Variants in VIT observed in about 807,000 individuals in gnomAD.
VIT encodes the protein vitrin.
In VIT, 99 loss-of-function variants were observed where a neutral mutation model predicts 78.0. The observed-to-expected ratio is 1.27, with a 90% CI of 1.08 to 1.50. The LOEUF is 1.50. Among genes scored for constraint, VIT ranks in the 40% most tolerant of loss-of-function variants. VIT has a pLI of 0.00. For synonymous variants in VIT, 374 were observed against 334.3 expected, an observed-to-expected ratio of 1.12 and a Z score of -1.29; for missense variants, 1,126 against 875.3, an observed-to-expected ratio of 1.29 and a Z score of -3.61.
At chr2:36,703,951 AG>A (rs1019119186) in intron 1 of VIT, among the ~76,000 whole-genome samples, 64 of 115,402 alleles carry the variant, frequency 5.5e-4, no homozygotes, top group Non-Finnish European at 9.1e-4. Flanking sequence ...TTTTTTTTGG[AG>A]ACTCACTCTG....
At chr2:36,774,456 G>T in intron 8 of VIT, 1 of 976,058 alleles carries the variant, frequency 1.0e-6, no homozygotes, top group African/African-American at 1.7e-5. Context: ...TCACAGCCCG[G>T]TCTATGAGCT....
At chr2:36,809,953 C>T (rs917006664) in intron 15 of VIT, among the ~76,000 whole-genome samples, 5 of 141,972 alleles carry the variant, frequency 3.5e-5, no homozygotes, top group African/African-American at 1.1e-4. Flanking sequence ...ATTGCACCAC[C>T]ACACTCCAGC....
intron 5 of VIT, 29 bp from the exon 6 acceptor site, chr2:36,758,940 A>G (rs1413284668): frequency 6.3e-7 from 1 of 1,588,178 alleles, no homozygotes; most frequent in South Asian, 1.1e-5. Context: ...CTAGAAATAA[A>G]TCTCGTTTTT....
rs200266127 is a variant in VIT, at chr2:36,787,166, C to G, written c.948C>G (p.Ser316Arg). 1 of 1,614,192 alleles carries G rather than the reference C, an allele frequency of 6.2e-7. No homozygotes were observed. The highest frequency in any genetic ancestry group is 1.7e-5 in the Admixed American group (1 of 60,020). The change falls in exon 12 of 16, where the codon AGC (serine) becomes AGG (arginine). Residue 316 changes from serine (S) to arginine (R), a missense_variant. By Grantham distance (110) the Ser-to-Arg change is moderately radical. Transcript: ENST00000379242. Reference sequence around the variant, plus strand: ...ACTTGTCGTTTTTAATTGATGGGAGCACCAGCATTGGCAAACGGCGATTCC... The same window carrying G: ...ACTTGTCGTTTTTAATTGATGGGAGGACCAGCATTGGCAAACGGCGATTCC... ...KIDLSFLIDG[S>R]TSIGKRRFRI...
intron 4 of VIT, among the ~76,000 whole-genome samples, chr2:36,744,309 C>T (rs967349114): frequency 1.3e-5 from 2 of 152,080 alleles, no homozygotes; most frequent in African/African-American, 4.8e-5. Flanking sequence ...ATTTATTTTC[C>T]TTTTGGTATA....
At chr2:36,714,344 T>C (rs1303308299) in intron 1 of VIT, among the ~76,000 whole-genome samples, 1 of 152,254 alleles carries the variant, frequency 6.6e-6, no homozygotes, top group Non-Finnish European at 1.5e-5. Flanking sequence ...TATCTGTTTC[T>C]AGATCTCCAT....
intron 1 of VIT, among the ~76,000 whole-genome samples, chr2:36,701,273 G>A (rs1384219509): frequency 6.6e-6 from 1 of 152,122 alleles, no homozygotes; most frequent in East Asian, 1.9e-4. Context: ...GCTGACTAGG[G>A]GGAGTTAGGT....
chr2:36,736,975 C>T (rs1484481025), intron 3 of VIT, among the ~76,000 whole-genome samples: 5 of 152,130 alleles, frequency 3.3e-5, no homozygotes, highest in African/African-American at 1.2e-4. Context: ...AGTCTATCTT[C>T]CCAGCAAGAC....
intron 2 of VIT, among the ~76,000 whole-genome samples, 174 bp downstream of exon 2, chr2:36,716,596 A>T (rs576122689): frequency 6.6e-6 from 1 of 152,334 alleles, no homozygotes; most frequent in African/African-American, 2.4e-5. Context: ...CAAAGATCAA[A>T]TTCAGGATGC....
chr2:36,738,617 T>A (rs570312784), intron 3 of VIT, among the ~76,000 whole-genome samples: 1 of 152,280 alleles, frequency 6.6e-6, no homozygotes, highest in South Asian at 2.1e-4. Flanking sequence ...CCTGCCCTCA[T>A]GAATTTTATA....
At chr2:36,766,258 G>A (rs1369462551) in intron 6 of VIT, among the ~76,000 whole-genome samples, 2 of 152,234 alleles carry the variant, frequency 1.3e-5, no homozygotes, top group East Asian at 3.8e-4. Context: ...GCCGAGCACA[G>A]TGGCTTGCAC....
intron 10 of VIT, 26 bp downstream of exon 10, chr2:36,781,797 C>T: frequency 6.2e-7 from 1 of 1,613,712 alleles, no homozygotes; most frequent in East Asian, 2.2e-5. Context: ...AACCTCTCAG[C>T]CACGCGTGGA....
At chr2:36,698,226 A>G (rs943802674) in intron 1 of VIT, among the ~76,000 whole-genome samples, 1 of 152,250 alleles carries the variant, frequency 6.6e-6, no homozygotes, top group African/African-American at 2.4e-5. Flanking sequence ...ACCACTAAAA[A>G]AAATAAAAAT....
intron 5 of VIT, among the ~76,000 whole-genome samples, chr2:36,756,561 C>G (rs1267733044): frequency 6.6e-6 from 1 of 152,186 alleles, no homozygotes; most frequent in African/African-American, 2.4e-5. Flanking sequence ...AGCAGGACAA[C>G]AAACAGACCT....
rs746469454 is a variant in VIT at position 36,755,019 on chromosome 2, C to G, written c.374C>G (p.Ser125Cys). The change falls in exon 5 of 16, where the codon TCC (serine) becomes TGC (cysteine). Residue 125 changes from serine (S) to cysteine (C), a missense_variant. Ser to Cys is a moderately radical substitution (Grantham distance 112). Transcript: ENST00000379242. The part of the protein sequence containing the change: ...GSYSNGVQSL[S>C]LPRWRESFIV... ...TATTCCAACGGTGTCCAATCGTTAT[C>G]CCTACCACGATGGAGAGAATCCTTT... The G allele has an allele frequency of 6.2e-7, 1 of 1,614,130 alleles. No homozygotes were observed. The highest frequency in any genetic ancestry group is 2.2e-5 in the East Asian group (1 of 44,876).
intron 7 of VIT, among the ~76,000 whole-genome samples, chr2:36,771,251 C>T (rs767914846): frequency 2.6e-5 from 4 of 152,142 alleles, no homozygotes; most frequent in Admixed American, 6.5e-5. Context: ...TCGGCTTTGC[C>T]GGTCCCGGTG....
intron 4 of VIT, among the ~76,000 whole-genome samples, chr2:36,747,219 CAT>C (rs1346630349): frequency 6.6e-6 from 1 of 152,030 alleles, no homozygotes; most frequent in East Asian, 1.9e-4. Context: ...TATAACTAAA[CAT>C]GTGGTCAATC....
chr2:36,809,347 C>A (rs1666982752), intron 15 of VIT, among the ~76,000 whole-genome samples: 1 of 152,216 alleles, frequency 6.6e-6, no homozygotes, highest in Non-Finnish European at 1.5e-5. Flanking sequence ...AAACACCAAA[C>A]CTCCATCTCT....
chr2:36,796,485 G>A (rs1665910616), intron 12 of VIT, among the ~76,000 whole-genome samples: 1 of 152,178 alleles, frequency 6.6e-6, no homozygotes, highest in East Asian at 1.9e-4. Flanking sequence ...CTGTGTATGT[G>A]GTAGGGGAAA....
Sources: gnomAD v4.1 joint callset for allele counts (sites outside exome capture counted in the v4.1 genomes callset) on GRCh38, gnomAD v4.1.1 for gene constraint, MANE v1.5 for transcripts, NCBI Gene and HGNC (gene_info 2026-07-23, HGNC 2026-07-21) for gene names.